UBE2V2: variants seen among roughly 807,000 people sequenced by gnomAD.
UBE2V2 encodes ubiquitin conjugating enzyme E2 V2.
A neutral mutation model predicts 17.2 loss-of-function variants in UBE2V2; 9 were observed. That is an observed-to-expected ratio of 0.52 (90% CI 0.32 to 0.91). The LOEUF (loss-of-function observed/expected upper bound fraction) is 0.91, where lower values mean the gene tolerates loss of function less well. Among genes scored for constraint, UBE2V2 ranks in the 40% least tolerant of loss-of-function variants. The pLI is 0.04. For synonymous variants in UBE2V2, 61 were observed against 57.5 expected (o/e 1.06, Z -0.28); for missense variants, 133 against 182.6 (o/e 0.73, Z 1.56).
chr8:48,033,406 G>A (rs189699320), intron 1 of UBE2V2, among the ~76,000 whole-genome samples: 40 of 151,926 alleles, frequency 2.6e-4, no homozygotes, highest in African/African-American at 8.4e-4. Context: ...GGCTGGTCTC[G>A]AACTCCTGGA....
intron 1 of UBE2V2, among the ~76,000 whole-genome samples, chr8:48,030,090 T>C (rs1346207218): frequency 6.6e-6 from 1 of 152,232 alleles, no homozygotes; most frequent in Admixed American, 6.6e-5. Flanking sequence ...CTGGAGAATG[T>C]GAAGTAACTG....
intron 1 of UBE2V2, among the ~76,000 whole-genome samples, chr8:48,009,118 A>G (rs576186040): frequency 6.6e-6 from 1 of 152,302 alleles, no homozygotes; most frequent in Non-Finnish European, 1.5e-5. Flanking sequence ...CCTCTTTCCT[A>G]CTGAATACAA....
the UBE2V2 span, among the ~76,000 whole-genome samples, chr8:48,000,314 C>G: frequency 6.6e-6 from 1 of 152,196 alleles, no homozygotes; most frequent in Non-Finnish European, 1.5e-5. Flanking sequence ...TCCAAATTAT[C>G]CTTAGTCTCC....
At chr8:48,053,957 A>G (rs1375548775) in intron 3 of UBE2V2, among the ~76,000 whole-genome samples, 1 of 151,284 alleles carries the variant, frequency 6.6e-6, no homozygotes, top group Non-Finnish European at 1.5e-5. Context: ...GGTGCCTGCC[A>G]CCATGCCTGG....
At chr8:48,020,126 A>G (rs1038128258) in intron 1 of UBE2V2, among the ~76,000 whole-genome samples, 3 of 151,714 alleles carry the variant, frequency 2.0e-5, no homozygotes, top group African/African-American at 7.3e-5. Flanking sequence ...GCAGCCTTGA[A>G]CTATTGAGAT....
intron 1 of UBE2V2, among the ~76,000 whole-genome samples, chr8:48,026,738 G>A (rs989403300): frequency 1.3e-5 from 2 of 152,168 alleles, no homozygotes; most frequent in Admixed American, 1.3e-4. Flanking sequence ...GTTGTAGCAT[G>A]TATCAGTATT....
intron 1 of UBE2V2, among the ~76,000 whole-genome samples, chr8:48,030,929 G>A (rs187551701): frequency 3.3e-5 from 5 of 152,318 alleles, no homozygotes; most frequent in African/African-American, 1.2e-4. Flanking sequence ...GGCTGAGGCG[G>A]GAGAATCTCT....
chr8:48,007,091 T>G (rs1449531696), upstream of UBE2V2, among the ~76,000 whole-genome samples: 3 of 151,568 alleles, frequency 2.0e-5, no homozygotes, highest in African/African-American at 7.3e-5. Flanking sequence ...GGTTTCACTG[T>G]GTTAGCCAAG....
At chr8:48,017,084 C>T (rs1195532982) in intron 1 of UBE2V2, among the ~76,000 whole-genome samples, 2 of 152,162 alleles carry the variant, frequency 1.3e-5, no homozygotes, top group African/African-American at 4.8e-5. Flanking sequence ...AGCCACTGCG[C>T]TTGGCCTCAT....
intron 2 of UBE2V2, 174 bp from the exon 3 acceptor site, chr8:48,049,679 A>AT (rs1347298870): frequency 4.2e-6 from 2 of 471,902 alleles, no homozygotes; most frequent in East Asian, 3.9e-5. Flanking sequence ...TGCTTATTGC[A>AT]TTTTTTCTCA....
At chr8:48,020,739 A>G (rs1042415515) in intron 1 of UBE2V2, among the ~76,000 whole-genome samples, 6 of 151,976 alleles carry the variant, frequency 3.9e-5, no homozygotes, top group African/African-American at 1.5e-4. Context: ...TGGAGTAGCT[A>G]GGACTATAGG....
At chr8:48,043,294 TTTTTA>T (rs1295367340) in intron 2 of UBE2V2, 113 bp downstream of exon 2, 3 of 872,746 alleles carry the variant, frequency 3.4e-6, no homozygotes, top group Non-Finnish European at 4.7e-6. Flanking sequence ...AAATAGTTCC[TTTTTA>T]TTTTGTTTAC....
intron 2 of UBE2V2, 48 bp downstream of exon 2, chr8:48,043,229 T>C: frequency 7.6e-7 from 1 of 1,318,350 alleles, no homozygotes; most frequent in Non-Finnish European, 1.0e-6. Context: ...ATTGTTAAAG[T>C]TAGCATTTAA....
intron 1 of UBE2V2, among the ~76,000 whole-genome samples, chr8:48,032,438 G>C (rs2091389951): frequency 6.6e-6 from 1 of 151,970 alleles, no homozygotes; most frequent in Non-Finnish European, 1.5e-5. Context: ...CTGAATGATG[G>C]ATGTATTTCA....
chr8:48,055,210 T>C (rs1335497641), intron 3 of UBE2V2, among the ~76,000 whole-genome samples: 2 of 151,382 alleles, frequency 1.3e-5, no homozygotes, highest in Non-Finnish European at 2.9e-5. Flanking sequence ...CTTTTTTTTT[T>C]TTTTTTGAGA....
chr8:48,023,621 C>T (rs1318641582), intron 1 of UBE2V2, among the ~76,000 whole-genome samples: 2 of 152,026 alleles, frequency 1.3e-5, no homozygotes, highest in Non-Finnish European at 2.9e-5. Context: ...CCTGTAATCC[C>T]AGCACTTTGG....
intron 3 of UBE2V2, among the ~76,000 whole-genome samples, chr8:48,059,050 G>A (rs1270164376): frequency 6.6e-6 from 1 of 151,768 alleles, no homozygotes; most frequent in Non-Finnish European, 1.5e-5. Context: ...GGGACTGCAG[G>A]TGCACACCAC....
At chr8:48,052,089 G>GT (rs1443930780) in intron 3 of UBE2V2, among the ~76,000 whole-genome samples, 2 of 152,132 alleles carry the variant, frequency 1.3e-5, no homozygotes, top group Admixed American at 1.3e-4. Context: ...TTTTGGAATG[G>GT]TTGTTCTCAA....
chr8:48,053,174 C>T (rs975532612), intron 3 of UBE2V2, among the ~76,000 whole-genome samples: 9 of 151,884 alleles, frequency 5.9e-5, no homozygotes, highest in Middle Eastern at 3.4e-3. Context: ...TGAGCCACCG[C>T]ACCCAGCCTA....
Sources: allele counts gnomAD v4.1 joint callset (sites outside exome capture counted in the v4.1 genomes callset), GRCh38; gene constraint gnomAD v4.1.1; transcripts MANE v1.5; gene names NCBI Gene and HGNC (gene_info 2026-07-23, HGNC 2026-07-21).